Variants in SENP7 observed in about 807,000 individuals in gnomAD.
The protein encoded by SENP7 is SUMO specific peptidase 7.
In SENP7, 64 loss-of-function variants were observed where a neutral mutation model predicts 141.2. That is an observed-to-expected ratio of 0.45 (90% CI 0.37 to 0.56). SENP7 has a LOEUF of 0.56. Among genes scored for constraint, SENP7 ranks in the 20% least tolerant of loss-of-function variants. The probability of loss-of-function intolerance (pLI) is 0.00; values close to 1 mark genes in which losing one functional copy is unlikely to be tolerated. For synonymous variants in SENP7, 382 were observed against 426.4 expected, an observed-to-expected ratio of 0.90 and a Z score of 1.28; for missense variants, 1,025 against 1,212.2, an observed-to-expected ratio of 0.85 and a Z score of 2.29.
intron 4 of SENP7, among the ~76,000 whole-genome samples, chr3:101,426,262 A>G (rs2061954490): frequency 6.6e-6 from 1 of 152,090 alleles, no homozygotes; most frequent in Non-Finnish European, 1.5e-5. Flanking sequence ...TAATCATCAG[A>G]TTCTCCAAGG....
At chr3:101,330,418 T>C in intron 19 of SENP7, 32 bp from the exon 20 acceptor site, 2 of 1,469,572 alleles carry the variant, frequency 1.4e-6, no homozygotes, top group Non-Finnish European at 1.9e-6. Flanking sequence ...GTTATGAGTG[T>C]TTATTGCATG....
intron 3 of SENP7, among the ~76,000 whole-genome samples, chr3:101,477,054 A>C (rs10936645): frequency 6.6e-6 from 1 of 151,908 alleles, no homozygotes; most frequent in Non-Finnish European, 1.5e-5. Context: ...TAGGTTGCCT[A>C]TTCACTCTGA....
chr3:101,457,330 C>T (rs2107868058), intron 4 of SENP7: 1 of 1,410,158 alleles, frequency 7.1e-7, no homozygotes, highest in South Asian at 1.1e-5. Flanking sequence ...GCAAGTGGTG[C>T]TTTTCCATCC....
chr3:101,513,030 C>T, intron 1 of SENP7, 61 bp downstream of exon 1: 1 of 1,577,462 alleles, frequency 6.3e-7, no homozygotes. Context: ...CTGCCGCCTG[C>T]GCCTCCCGTT....
At chr3:101,454,691 A>C (rs952606496) in intron 4 of SENP7, among the ~76,000 whole-genome samples, 1 of 152,230 alleles carries the variant, frequency 6.6e-6, no homozygotes, top group Admixed American at 6.5e-5. Context: ...GATATATGCT[A>C]CAATATTAAT....
chr3:101,400,637 G>C (rs1221938824), intron 5 of SENP7, among the ~76,000 whole-genome samples: 2 of 151,590 alleles, frequency 1.3e-5, no homozygotes, highest in East Asian at 3.9e-4. Flanking sequence ...TGTGTGTTCT[G>C]ACTGCTTCAC....
At chr3:101,341,595 A>C in intron 15 of SENP7, 51 bp downstream of exon 15, 1 of 1,372,508 alleles carries the variant, frequency 7.3e-7, no homozygotes, top group Non-Finnish European at 9.6e-7. Context: ...CAACATGAAT[A>C]AAAACTACTA....
chr3:101,395,784 T>A (rs2060950841), intron 6 of SENP7, among the ~76,000 whole-genome samples: 1 of 152,254 alleles, frequency 6.6e-6, no homozygotes. Context: ...ATAAGTGGAC[T>A]CAGGAACACA....
intron 4 of SENP7, among the ~76,000 whole-genome samples, chr3:101,441,943 A>G (rs1467438834): frequency 6.6e-6 from 1 of 152,218 alleles, no homozygotes; most frequent in East Asian, 1.9e-4. Context: ...CACCAATATC[A>G]CTGATTATGA....
chr3:101,507,266 G>A (rs1473437774), intron 1 of SENP7, among the ~76,000 whole-genome samples: 1 of 152,148 alleles, frequency 6.6e-6, no homozygotes, highest in Non-Finnish European at 1.5e-5. Context: ...CAGAATTCTA[G>A]TCTGGATCTT....
At chr3:101,327,983 TA>T (rs2058947688) in intron 22 of SENP7, among the ~76,000 whole-genome samples, 167 bp from the exon 23 acceptor site, 1 of 152,228 alleles carries the variant, frequency 6.6e-6, no homozygotes, top group Non-Finnish European at 1.5e-5. Context: ...TCACAAGTAC[TA>T]CTTTAAAGAA....
intron 3 of SENP7, among the ~76,000 whole-genome samples, chr3:101,487,169 T>C (rs903280073): frequency 5.3e-5 from 8 of 152,076 alleles, no homozygotes; most frequent in Non-Finnish European, 1.2e-4. Flanking sequence ...GTAATATTAG[T>C]GGGGGACTTT....
At chr3:101,348,183 T>C in intron 12 of SENP7, 132 bp from the exon 13 acceptor site, 1 of 561,750 alleles carries the variant, frequency 1.8e-6, no homozygotes, top group Non-Finnish European at 2.8e-6. Flanking sequence ...TTCAAAAATA[T>C]ATTTCCAGTG....
At chr3:101,508,607 T>A (rs1031901414) in intron 1 of SENP7, among the ~76,000 whole-genome samples, 1 of 151,994 alleles carries the variant, frequency 6.6e-6, no homozygotes, top group Non-Finnish European at 1.5e-5. Context: ...TCCAAAAAAA[T>A]AAAAGAAAGG....
intron 3 of SENP7, among the ~76,000 whole-genome samples, chr3:101,463,364 A>AATATATATATATATATATATAT (rs71625265): frequency 2.9e-4 from 26 of 89,194 alleles, no homozygotes; most frequent in Admixed American, 5.7e-4. Flanking sequence ...TAAATAAATA[A>AATATATATATATATATATATAT]ATATATATAT....
chr3:101,343,365 T>A (rs1050702476), intron 14 of SENP7, among the ~76,000 whole-genome samples: 1 of 152,200 alleles, frequency 6.6e-6, no homozygotes, highest in African/African-American at 2.4e-5. Flanking sequence ...GTATTTCTCT[T>A]ATTCCTTTTC....
intron 14 of SENP7, among the ~76,000 whole-genome samples, chr3:101,343,307 T>C (rs1414546614): frequency 6.6e-6 from 1 of 152,172 alleles, no homozygotes; most frequent in Non-Finnish European, 1.5e-5. Context: ...TAGCATCTGT[T>C]GGTGGACTTT....
intron 5 of SENP7, among the ~76,000 whole-genome samples, chr3:101,416,602 G>T (rs1010312471): frequency 6.6e-6 from 1 of 152,162 alleles, no homozygotes; most frequent in African/African-American, 2.4e-5. Context: ...AAGATTTACA[G>T]TGTTTTAGAA....
chr3:101,453,157 C>T (rs1477366370), intron 4 of SENP7, among the ~76,000 whole-genome samples: 2 of 152,146 alleles, frequency 1.3e-5, no homozygotes, highest in Admixed American at 1.3e-4. Context: ...AAATCAAAAC[C>T]ACAATGAGAT....
Sources: gnomAD v4.1 joint callset for allele counts (sites outside exome capture counted in the v4.1 genomes callset) on GRCh38, gnomAD v4.1.1 for gene constraint, MANE v1.5 for transcripts, NCBI Gene and HGNC (gene_info 2026-07-23, HGNC 2026-07-21) for gene names.